Variants in PLAG1 observed in about 807,000 individuals in gnomAD.
PLAG1 encodes the protein zinc finger protein PLAG1.
Under a neutral mutation model 35.5 loss-of-function variants are expected in PLAG1, and 7 were observed. The ratio of observed to expected loss-of-function variants is 0.20; its 90% CI spans 0.11 to 0.37. The LOEUF (loss-of-function observed/expected upper bound fraction) is 0.37. Ranked by LOEUF, PLAG1 falls within the 10% of genes least tolerant of loss-of-function variation. The pLI is 1.00. For missense variants in PLAG1, 454 were observed against 602.8 expected (o/e 0.75, Z 2.58); for synonymous variants, 229 against 225.4 (o/e 1.02, Z -0.14).
chr8:56,192,332 G>T (rs1349394120), intron 1 of PLAG1, among the ~76,000 whole-genome samples: 2 of 152,178 alleles, frequency 1.3e-5, no homozygotes, highest in African/African-American at 2.4e-5. Flanking sequence ...CATGCATGAG[G>T]TCATTCATTA....
intron 1 of PLAG1, among the ~76,000 whole-genome samples, chr8:56,189,703 A>T (rs964328052): frequency 1.3e-5 from 2 of 152,222 alleles, no homozygotes; most frequent in Non-Finnish European, 2.9e-5. Context: ...AGATCTTTCC[A>T]AGCTTTGGAG....
Position 56,163,133 on chromosome 8 carries a change from G to A in PLAG1, c.*3110C>T, listed in dbSNP as rs986837114. 5.1e-6 allele frequency: 1 copy of A among 197,636 alleles called. No homozygotes were observed. The highest frequency in any genetic ancestry group is 2.3e-5 in the African/African-American group (1 of 42,830). 12.2% of individuals were successfully genotyped at this position (197,636 alleles called of 1,614,324 possible). On this transcript the variant is annotated 3_prime_UTR_variant, in exon 5 of 5. Transcript: ENST00000316981. ...TTGGTGACCTAACTTGTACATACAT[G>A]TGGAAGTGAAACTGAATGAGGTTCA...
intron 1 of PLAG1, among the ~76,000 whole-genome samples, chr8:56,184,579 G>A (rs34516759): frequency 0.14 from 21,745 of 152,126 alleles, 1,790 homozygotes; most frequent in Middle Eastern, 0.19. Context: ...GATGCAACCC[G>A]AAGGTCTATC....
intron 1 of PLAG1, among the ~76,000 whole-genome samples, chr8:56,190,949 C>T (rs1196174610): frequency 2.0e-5 from 3 of 152,092 alleles, no homozygotes; most frequent in Non-Finnish European, 2.9e-5. Context: ...GGAAATAGCA[C>T]GTGCAAGGGC....
At chr8:56,182,918 G>A (rs1811914548) in intron 1 of PLAG1, among the ~76,000 whole-genome samples, 1 of 152,164 alleles carries the variant, frequency 6.6e-6, no homozygotes, top group Non-Finnish European at 1.5e-5. Flanking sequence ...CTAGACTTAG[G>A]AGGGAGGTAT....
At chr8:56,205,593 C>A (rs997719577) in intron 1 of PLAG1, among the ~76,000 whole-genome samples, 2 of 151,822 alleles carry the variant, frequency 1.3e-5, no homozygotes, top group African/African-American at 4.8e-5. Context: ...TAATTTACCA[C>A]AATTGTTATT....
intron 2 of PLAG1, among the ~76,000 whole-genome samples, chr8:56,173,287 T>C (rs1811584783): frequency 6.6e-6 from 1 of 152,086 alleles, no homozygotes; most frequent in African/African-American, 2.4e-5. Flanking sequence ...AAACATAATC[T>C]TGAATTTCTT....
At chr8:56,182,134 G>A (rs1161146333) in intron 1 of PLAG1, among the ~76,000 whole-genome samples, 2 of 152,240 alleles carry the variant, frequency 1.3e-5, no homozygotes, top group African/African-American at 4.8e-5. Context: ...TGGATTGAAA[G>A]CACTGAGAAC....
chr8:56,167,200 T>A lies in PLAG1; in HGVS notation c.546A>T (p.Glu182Asp). ...HAGKSSGGVK[E>D]KKHQCEHCDR... is the part of the protein sequence containing the mutation. The stretch of plus-strand genomic sequence containing the variant: ...CACAATGTTCGCACTGGTGCTTTTT[T>A]TCTTTAACCCCACCAGACGACTTGC... Residue 182 changes from glutamate (E) to aspartate (D), a missense_variant, in exon 5 of 5, where the codon GAA (glutamate) becomes GAT (aspartate). Coordinates refer to ENST00000316981, the MANE Select transcript of PLAG1 (RefSeq NM_002655.3). The surrounding 1 kb of genome is among the most constrained non-coding windows in gnomAD (Gnocchi z 5.9). The A allele has an allele frequency of 1.2e-6, 2 of 1,614,050 alleles. No individual in the cohort carries two copies. The highest frequency in any genetic ancestry group is 8.5e-7 in the Non-Finnish European group (1 of 1,180,004).
intron 1 of PLAG1, among the ~76,000 whole-genome samples, chr8:56,196,987 T>TGTGTGTGTGTGTGTGTGC (rs1227336889): frequency 6.7e-5 from 10 of 149,544 alleles, no homozygotes; most frequent in Non-Finnish European, 1.2e-4. Context: ...TGTGTGTGTG[T>TGTGTGTGTGTGTGTGTGC]GCTCCTCTCT....
At chr8:56,185,438 G>A (rs1186027248) in intron 1 of PLAG1, among the ~76,000 whole-genome samples, 1 of 152,030 alleles carries the variant, frequency 6.6e-6, no homozygotes, top group African/African-American at 2.4e-5. Context: ...ACAAAATGAT[G>A]AGAAACTCAT....
chr8:56,172,276 G>C (rs1005035942), intron 2 of PLAG1, among the ~76,000 whole-genome samples: 1 of 151,934 alleles, frequency 6.6e-6, no homozygotes, highest in Non-Finnish European at 1.5e-5. Flanking sequence ...AAATGCCAAG[G>C]GTATATCTGA....
chr8:56,207,337 A>G (rs979423661), intron 1 of PLAG1, among the ~76,000 whole-genome samples: 1 of 151,980 alleles, frequency 6.6e-6, no homozygotes. Context: ...GAAAATTTGC[A>G]GAATATCAAA....
intron 2 of PLAG1, chr8:56,177,913 C>T (rs1009251659): frequency 2.0e-5 from 5 of 244,652 alleles, no homozygotes; most frequent in Admixed American, 6.5e-5. Context: ...CCAGGAGAGG[C>T]GTCACCTGCT....
At chr8:56,198,295 C>A (rs1194614723) in intron 1 of PLAG1, among the ~76,000 whole-genome samples, 1 of 152,190 alleles carries the variant, frequency 6.6e-6, no homozygotes, top group South Asian at 2.1e-4. Flanking sequence ...TGCTCCAGGG[C>A]CGGTGAGAAG....
Position 56,166,187 on chromosome 8 carries a change from G to T in PLAG1, c.*56C>A. On this transcript the variant is annotated 3_prime_UTR_variant, in exon 5 of 5. Coordinates refer to ENST00000316981, the MANE Select transcript of PLAG1 (RefSeq NM_002655.3). ...TAAAGTAGGCACTAAAATAAAAATG[G>T]TCATCTAGGGCACAGCTACACATAC... The T allele has an allele frequency of 7.9e-7, 1 of 1,260,156 alleles. No homozygotes were observed. Among genetic ancestry groups the T allele is most frequent in the Non-Finnish European group, 1.1e-6 (1 of 915,298 alleles). 78.1% of individuals were successfully genotyped at this position (1,260,156 alleles called of 1,614,324 possible).
chr8:56,194,690 C>T (rs191715254), intron 1 of PLAG1, among the ~76,000 whole-genome samples: 1 of 151,982 alleles, frequency 6.6e-6, no homozygotes, highest in East Asian at 1.9e-4. Flanking sequence ...GGCAGGAGGC[C>T]ATCATGAAAC....
chr8:56,195,159 G>C (rs1812322949), intron 1 of PLAG1, among the ~76,000 whole-genome samples: 1 of 152,096 alleles, frequency 6.6e-6, no homozygotes, highest in Non-Finnish European at 1.5e-5. Context: ...GAGTGAATAA[G>C]CTTGTTTAGA....
rs1811393826 is a variant in PLAG1 at position 56,167,415 on chromosome 8, G to A, written c.331C>T (p.Leu111Phe). The A allele has an allele frequency of 1.2e-6, 2 of 1,613,290 alleles. No individual in the cohort carries two copies. Among genetic ancestry groups the A allele is most frequent in the Non-Finnish European group, 8.5e-7 (1 of 1,179,370 alleles). Residue 111 changes from leucine (L) to phenylalanine (F), a missense_variant, in exon 5 of 5, where the codon CTC (leucine) becomes TTC (phenylalanine). Transcript: ENST00000316981. This position sits in a 1 kb window ranked among gnomAD's most constrained non-coding sequence, Gnocchi z 5.9. ...TCTTTGTTAGGGTCGTGTGTATGGA[G>A]GTGATTCTTCAGATGATCTTTCCGG... ...FHRKDHLKNH[L>F]HTHDPNKETF...
Sources: allele counts gnomAD v4.1 joint callset (sites outside exome capture counted in the v4.1 genomes callset), GRCh38; gene constraint gnomAD v4.1.1; non-coding constraint Gnocchi (gnomAD v3.1); transcripts MANE v1.5; gene names NCBI Gene and HGNC (gene_info 2026-07-23, HGNC 2026-07-21).